ETFA: variants seen among roughly 807,000 people sequenced by gnomAD.
The protein encoded by ETFA is electron transfer flavoprotein subunit alpha, also known as electron transfer flavoprotein subunit alpha, mitochondrial.
In ETFA, 22 loss-of-function variants were observed where a neutral mutation model predicts 46.2. That is an observed-to-expected ratio of 0.48 (90% CI 0.34 to 0.68). ETFA has a LOEUF of 0.68. ETFA is among the 30% of genes least tolerant of loss of function. The probability of loss-of-function intolerance (pLI) is 0.01; values close to 1 mark genes in which losing one functional copy is unlikely to be tolerated. For synonymous variants in ETFA, 131 were observed against 139.9 expected, an observed-to-expected ratio of 0.94 and a Z score of 0.45; for missense variants, 345 against 401.1, an observed-to-expected ratio of 0.86 and a Z score of 1.19.
chr15:76,304,191 G>GA (rs146031895), intron 1 of ETFA, among the ~76,000 whole-genome samples: 3,648 of 152,270 alleles, frequency 0.024, 144 homozygotes, highest in African/African-American at 0.084. Context: ...TGCAGGAACA[G>GA]AAAAACCAAA....
At chr15:76,274,531 C>A in intron 8 of ETFA, 37 bp from the exon 9 acceptor site, 5 of 1,506,258 alleles carry the variant, frequency 3.3e-6, no homozygotes, top group Non-Finnish European at 3.7e-6. Flanking sequence ...TTTTCAAGCT[C>A]TATTATTCAG....
At chr15:76,282,721 A>G (rs919817946) in intron 8 of ETFA, among the ~76,000 whole-genome samples, 2 of 152,072 alleles carry the variant, frequency 1.3e-5, no homozygotes, top group Non-Finnish European at 2.9e-5. Flanking sequence ...CTCGAAAGTT[A>G]TATGTTAAAG....
At position 76,283,740 on chromosome 15, in the gene ETFA, A is replaced by T; in HGVS notation, c.733+17T>A. 2 of 1,516,180 alleles carry T rather than the reference A, an allele frequency of 1.3e-6. No individual in the cohort carries two copies. Among genetic ancestry groups the T allele is most frequent in the Non-Finnish European group, 1.8e-6 (2 of 1,091,428 alleles). The allele number at this position is 1,516,180 out of a possible 1,614,324, so 93.9% of individuals were successfully genotyped here. On this transcript the variant is annotated intron_variant, in intron 8 of 11. Transcript: ENST00000557943. Reference sequence around the variant, plus strand: ...AACAAAAAGGGAATATCTTTCTACTAAGGAAAATAACTTTACCTGCAGCAT... The same window carrying T: ...AACAAAAAGGGAATATCTTTCTACTTAGGAAAATAACTTTACCTGCAGCAT...
chr15:76,303,422 G>A (rs995670158), intron 1 of ETFA, among the ~76,000 whole-genome samples: 8 of 151,972 alleles, frequency 5.3e-5, no homozygotes, highest in Non-Finnish European at 7.4e-5. Flanking sequence ...ATTTCATGAC[G>A]AACACTCCAA....
rs1469725032 is a variant in ETFA at position 76,285,683 on chromosome 15, T to G, written c.618A>C (p.Lys206Asn). The G allele has an allele frequency of 6.2e-7, 1 of 1,613,272 alleles. No individual in the cohort carries two copies. The highest frequency in any genetic ancestry group is 1.1e-5 in the South Asian group (1 of 91,062). The change falls in exon 7 of 12, where the codon AAA becomes AAC. Residue 206 changes from lysine to asparagine, a missense_variant. Lys to Asn is a moderately conservative substitution (Grantham distance 94, BLOSUM62 0). Transcript: ENST00000557943. ...CACCTGTTAGCTCTGGTCGATCACT[T>G]TTTGTTAATTTCTGGTCAAGCCACT... Reference protein sequence around the residue: ...ISEWLDQKLTKSDRPELTGAK... With the variant: ...ISEWLDQKLTNSDRPELTGAK...
chr15:76,293,488 T>C (rs1378366312), intron 2 of ETFA, among the ~76,000 whole-genome samples: 1 of 152,248 alleles, frequency 6.6e-6, no homozygotes, highest in Non-Finnish European at 1.5e-5. Flanking sequence ...ATTTTAATTC[T>C]TCATTTTTCC....
chr15:76,295,548 A>T, intron 2 of ETFA, 43 bp downstream of exon 2: 1 of 1,546,462 alleles, frequency 6.5e-7, no homozygotes, highest in Non-Finnish European at 8.9e-7. Flanking sequence ...CTGTCTCTTG[A>T]TGGAGATAAT....
intron 11 of ETFA, among the ~76,000 whole-genome samples, chr15:76,218,273 T>C (rs2038918837): frequency 6.6e-6 from 1 of 152,178 alleles, no homozygotes; most frequent in African/African-American, 2.4e-5. Context: ...ACACACTTTT[T>C]TTTTCTTTTC....
chr15:76,271,927 ACAC>A (rs2039537819), intron 9 of ETFA, among the ~76,000 whole-genome samples: 1 of 152,024 alleles, frequency 6.6e-6, no homozygotes, highest in Non-Finnish European at 1.5e-5. Flanking sequence ...ACACACACAC[ACAC>A]ACACACACAC....
intron 9 of ETFA, chr15:76,258,955 C>A (rs565069585): frequency 1.3e-6 from 2 of 1,508,766 alleles, no homozygotes; most frequent in Non-Finnish European, 1.8e-6. Context: ...TCAGAGCCAG[C>A]CAAATTGCCC....
chr15:76,302,416 G>A (rs1227101140), intron 1 of ETFA, among the ~76,000 whole-genome samples: 5 of 151,316 alleles, frequency 3.3e-5, no homozygotes, highest in African/African-American at 1.2e-4. Flanking sequence ...GCTACATGCT[G>A]TCTAATCCCA....
At chr15:76,262,447 C>T (rs1312733443) in intron 9 of ETFA, among the ~76,000 whole-genome samples, 3 of 149,784 alleles carry the variant, frequency 2.0e-5, no homozygotes, top group African/African-American at 7.3e-5. Context: ...AAAAGACACA[C>T]CCCTAGGTAT....
At chr15:76,306,669 T>C (rs1189708563) in intron 1 of ETFA, among the ~76,000 whole-genome samples, 1 of 152,230 alleles carries the variant, frequency 6.6e-6, no homozygotes, top group East Asian at 1.9e-4. Flanking sequence ...CTATCCCTAT[T>C]TTAACATACA....
chr15:76,240,832 A>G (rs2039178489), intron 9 of ETFA, among the ~76,000 whole-genome samples: 1 of 151,984 alleles, frequency 6.6e-6, no homozygotes, highest in African/African-American at 2.4e-5. Context: ...GGATTTCTTG[A>G]GTCCAGAAAT....
chr15:76,281,582 C>T (rs1398071225), intron 8 of ETFA, among the ~76,000 whole-genome samples: 1 of 151,940 alleles, frequency 6.6e-6, no homozygotes, highest in Non-Finnish European at 1.5e-5. Flanking sequence ...CGTATCACTG[C>T]GCCCAGCTAA....
chr15:76,309,399 T>C (rs899557449), intron 1 of ETFA, among the ~76,000 whole-genome samples: 5 of 152,080 alleles, frequency 3.3e-5, no homozygotes, highest in Non-Finnish European at 7.4e-5. Context: ...TGCAGTGAGC[T>C]GAGATCGCGC....
At position 76,216,129 on chromosome 15, in the gene ETFA, C is replaced by G. The variant is rs2038893303; in HGVS notation, c.*430G>C. On this transcript the variant is annotated 3_prime_UTR_variant, in exon 12 of 12. Transcript: ENST00000557943. ...ACCTTCTCCTATGAAGTTTGCCCTT[C>G]AACAATGAGATTAGTAGGTTGATTA... The G allele has an allele frequency of 6.0e-6, 1 of 166,510 alleles. No homozygotes were observed. The highest frequency in any genetic ancestry group is 6.2e-5 in the Admixed American group (1 of 16,206). The allele number at this position is 166,510 out of a possible 1,614,324, so 10.3% of individuals were successfully genotyped here. A position where few individuals can be genotyped will look rare whatever the true frequency, so the allele number is the denominator to read the frequency against.
intron 6 of ETFA, 45 bp downstream of exon 6, chr15:76,286,326 A>G (rs1336656698): frequency 8.9e-7 from 1 of 1,120,990 alleles, no homozygotes; most frequent in South Asian, 1.3e-5. Flanking sequence ...TCTATGAATT[A>G]AAAAAGTAAG....
intron 9 of ETFA, among the ~76,000 whole-genome samples, chr15:76,256,531 A>C (rs79095018): frequency 1.5e-3 from 223 of 152,342 alleles, no homozygotes; most frequent in African/African-American, 5.3e-3. Flanking sequence ...CTGTGAATAA[A>C]GTGACCTCAT....
Sources: allele counts gnomAD v4.1 joint callset (sites outside exome capture counted in the v4.1 genomes callset), GRCh38; gene constraint gnomAD v4.1.1; transcripts MANE v1.5; gene names NCBI Gene and HGNC (gene_info 2026-07-23, HGNC 2026-07-21).